Variants in CHP1 observed in about 807,000 individuals in gnomAD.
CHP1 encodes the protein calcineurin B homologous protein 1.
CHP1 carries 11 observed loss-of-function variants against 27.4 expected under a neutral mutation model. The ratio of observed to expected loss-of-function variants is 0.40; its 90% CI spans 0.25 to 0.67. The LOEUF is 0.67. Ranked by LOEUF, CHP1 falls within the 30% of genes least tolerant of loss-of-function variation. The pLI is 0.38. For synonymous variants in CHP1, 89 were observed against 87.4 expected (o/e 1.02, Z -0.10); for missense variants, 169 against 251.3 (o/e 0.67, Z 2.22).
At chr15:41,264,188 A>G in intron 4 of CHP1, 1 of 1,286,462 alleles carries the variant, frequency 7.8e-7, no homozygotes, top group Non-Finnish European at 1.0e-6. Flanking sequence ...ATATATATAG[A>G]GAGAGATCGA....
chr15:41,233,732 A>G (rs2047263772), intron 1 of CHP1, among the ~76,000 whole-genome samples: 1 of 152,158 alleles, frequency 6.6e-6, no homozygotes, highest in Non-Finnish European at 1.5e-5. Flanking sequence ...ACCTTCAGAA[A>G]TCAGGCAAGA....
At chr15:41,247,943 T>C (rs1319767350) in intron 2 of CHP1, among the ~76,000 whole-genome samples, 2 of 151,990 alleles carry the variant, frequency 1.3e-5, no homozygotes, top group Non-Finnish European at 2.9e-5. Context: ...TACTCCAGCC[T>C]GGGCGACAGA....
At chr15:41,244,187 G>A in intron 2 of CHP1, among the ~76,000 whole-genome samples, 1 of 123,710 alleles carries the variant, frequency 8.1e-6, no homozygotes, top group Non-Finnish European at 1.6e-5. Flanking sequence ...AACAGAGCAA[G>A]ACTCCATCTA....
At chr15:41,268,856 A>G (rs1395828135) in intron 4 of CHP1, among the ~76,000 whole-genome samples, 1 of 150,704 alleles carries the variant, frequency 6.6e-6, no homozygotes, top group Non-Finnish European at 1.5e-5. Flanking sequence ...GCTACTCGGG[A>G]GGCTGAGGCA....
At chr15:41,245,411 G>T (rs1013407417) in intron 2 of CHP1, among the ~76,000 whole-genome samples, 3 of 152,176 alleles carry the variant, frequency 2.0e-5, no homozygotes, top group Admixed American at 1.3e-4. Context: ...AACTTGGGAG[G>T]TGGAGGTTGC....
rs573336090 is a variant in CHP1, at chr15:41,240,344, A to G, written c.68-3323A>G. On this transcript the variant is annotated intron_variant, in intron 1 of 6. Coordinates refer to ENST00000334660, the MANE Select transcript of CHP1 (RefSeq NM_007236.5). Reference sequence around the variant, plus strand: ...ATTAGATAACATTTCTACCAATTTTAAAATTATATAAATTGGATAAAGAAG... The same window carrying G: ...ATTAGATAACATTTCTACCAATTTTGAAATTATATAAATTGGATAAAGAAG... Among the ~76,000 whole-genome samples the G allele has an allele frequency of 2.0e-5, 3 of 152,262 alleles. No individual in the cohort carries two copies. In the South Asian group the frequency reaches 6.2e-4, roughly 32 times the overall value.
At chr15:41,270,764 C>G (rs1293781330) in intron 5 of CHP1, 146 bp downstream of exon 5, 1 of 629,226 alleles carries the variant, frequency 1.6e-6, no homozygotes, top group African/African-American at 1.9e-5. Flanking sequence ...AGGAGATGAC[C>G]TGGGAAAACT....
At position 41,243,731 on chromosome 15, in the gene CHP1, G is replaced by A. The variant is rs373342746; in HGVS notation, c.132G>A (p.Gly44=). The change falls in exon 2 of 7, where the codon GGG becomes GGA. Residue 44 remains glycine (G), a synonymous_variant. Transcript: ENST00000334660. ...RFTSLDKGEN[G]TLSREDFQRI... ...CCAGCCTGGACAAAGGAGAGAATGG[G>A]ACTCTCAGGTAGGCAGTGTTTTTCT... 6 of 1,613,894 alleles carry A rather than the reference G, an allele frequency of 3.7e-6. No homozygotes were observed. Among genetic ancestry groups the A allele is most frequent in the African/African-American group, 1.3e-5 (1 of 74,916 alleles).
At chr15:41,260,304 C>T (rs1373306216) in intron 3 of CHP1, among the ~76,000 whole-genome samples, 1 of 151,462 alleles carries the variant, frequency 6.6e-6, no homozygotes, top group African/African-American at 2.4e-5. Flanking sequence ...TTATTTCTTA[C>T]AGGGTTATTG....
intron 4 of CHP1, among the ~76,000 whole-genome samples, chr15:41,269,067 AGGTGTGGTGTCTGT>A (rs2047476009): frequency 6.6e-6 from 1 of 151,990 alleles, no homozygotes; most frequent in South Asian, 2.1e-4. Context: ...AAAATTAGCC[AGGTGTGGTGTCTGT>A]GGTCCCAACT....
intron 1 of CHP1, among the ~76,000 whole-genome samples, chr15:41,234,787 GTTA>G (rs1198518859): frequency 6.6e-6 from 1 of 152,130 alleles, no homozygotes; most frequent in East Asian, 1.9e-4. Context: ...TCATGTGAGT[GTTA>G]TTATTTTGAA....
chr15:41,263,607 G>C (rs190900890), intron 4 of CHP1, among the ~76,000 whole-genome samples: 7 of 152,340 alleles, frequency 4.6e-5, no homozygotes, highest in African/African-American at 9.6e-5. Context: ...GGGCGCAGTG[G>C]CTCATGCCTG....
intron 2 of CHP1, among the ~76,000 whole-genome samples, chr15:41,252,984 G>C (rs1244504734): frequency 8.6e-6 from 1 of 116,558 alleles, no homozygotes; most frequent in South Asian, 3.0e-4. Context: ...CTGTCACCAG[G>C]CTGGAGTGCA....
At chr15:41,246,522 C>T (rs1347203421) in intron 2 of CHP1, among the ~76,000 whole-genome samples, 1 of 146,438 alleles carries the variant, frequency 6.8e-6, no homozygotes, top group Non-Finnish European at 1.5e-5. Context: ...GTTTCACCAT[C>T]TTGGCCAGGC....
chr15:41,247,917 C>T (rs1184247537), intron 2 of CHP1, among the ~76,000 whole-genome samples: 5 of 151,500 alleles, frequency 3.3e-5, no homozygotes, highest in Non-Finnish European at 7.4e-5. Context: ...TTCAGTGAGC[C>T]GAGATCACAC....
At chr15:41,231,859 G>A (rs753733331) in intron 1 of CHP1, among the ~76,000 whole-genome samples, 3 of 152,078 alleles carry the variant, frequency 2.0e-5, no homozygotes, top group Non-Finnish European at 2.9e-5. Context: ...CCGTTTCTGG[G>A]TAAGGACCTA....
At chr15:41,250,117 T>C (rs1342173763) in intron 2 of CHP1, among the ~76,000 whole-genome samples, 1 of 151,284 alleles carries the variant, frequency 6.6e-6, no homozygotes, top group Admixed American at 6.6e-5. Context: ...AGCAAAAAGT[T>C]ATTGACTAAA....
chr15:41,266,287 G>GAAT (rs1022885667), intron 4 of CHP1, among the ~76,000 whole-genome samples: 2 of 151,140 alleles, frequency 1.3e-5, no homozygotes, highest in Admixed American at 6.6e-5. Context: ...CCATCTCAAA[G>GAAT]AATAATAATA....
chr15:41,234,386 T>C (rs1291046399), intron 1 of CHP1, among the ~76,000 whole-genome samples: 1 of 152,232 alleles, frequency 6.6e-6, no homozygotes, highest in Non-Finnish European at 1.5e-5. Context: ...ATGAAGAATT[T>C]GGAAAACTAT....
Sources: gnomAD v4.1 joint callset for allele counts (sites outside exome capture counted in the v4.1 genomes callset) on GRCh38, gnomAD v4.1.1 for gene constraint, MANE v1.5 for transcripts, NCBI Gene and HGNC (gene_info 2026-07-23, HGNC 2026-07-21) for gene names.